BCAS3: variants seen among roughly 807,000 people sequenced by gnomAD.
BCAS3 encodes the protein BCAS3 microtubule associated cell migration factor.
In BCAS3, 53 loss-of-function variants were observed where a neutral mutation model predicts 116.1. The observed-to-expected ratio is 0.46, with a 90% CI of 0.37 to 0.57. BCAS3 has a LOEUF of 0.57. Among genes scored for constraint, BCAS3 ranks in the 20% least tolerant of loss-of-function variants. The pLI is 0.00. For synonymous variants in BCAS3, 391 were observed against 408.2 expected, an observed-to-expected ratio of 0.96 and a Z score of 0.51; for missense variants, 917 against 1,165.4, an observed-to-expected ratio of 0.79 and a Z score of 3.10.
At chr17:60,942,817 A>T (rs1443724634) in intron 13 of BCAS3, among the ~76,000 whole-genome samples, 1 of 152,172 alleles carries the variant, frequency 6.6e-6, no homozygotes, top group African/African-American at 2.4e-5. Flanking sequence ...ATTAGTTTAA[A>T]TGCTTATACT....
At chr17:61,341,994 G>T (rs956853714) in intron 22 of BCAS3, among the ~76,000 whole-genome samples, 22 of 152,186 alleles carry the variant, frequency 1.4e-4, no homozygotes, top group Non-Finnish European at 2.5e-4. Flanking sequence ...ATGAACTTCG[G>T]ACAGTGGTTT....
intron 7 of BCAS3, among the ~76,000 whole-genome samples, chr17:60,812,594 A>G (rs55820141): frequency 0.24 from 35,907 of 152,006 alleles, 7,815 homozygotes; most frequent in African/African-American, 0.58. Context: ...TGACAAATGA[A>G]GTTTTTTGGA....
At chr17:60,850,381 G>A (rs1213390244) in intron 7 of BCAS3, among the ~76,000 whole-genome samples, 2 of 83,666 alleles carry the variant, frequency 2.4e-5, no homozygotes, top group East Asian at 5.6e-4. Flanking sequence ...TTTTGAGATG[G>A]AGTTTTTGCT....
intron 14 of BCAS3, among the ~76,000 whole-genome samples, chr17:60,955,408 G>A (rs1244086281): frequency 8.6e-6 from 1 of 116,390 alleles, no homozygotes; most frequent in Non-Finnish European, 1.5e-5. Flanking sequence ...TTTTTTTTGA[G>A]ACAGAGTCTT....
Position 60,956,467 on chromosome 17 carries a change from A to G in BCAS3, c.1221+9115A>G, listed in dbSNP as rs965413886. Among the ~76,000 whole-genome samples the G allele has an allele frequency of 6.6e-6, 1 of 152,136 alleles. No homozygotes were observed. Among genetic ancestry groups the G allele is most frequent in the Non-Finnish European group, 1.5e-5 (1 of 68,028 alleles). The stretch of plus-strand genomic sequence containing the variant: ...TCTAGTCACTGAGATGCTCTACCTC[A>G]TCTCTGACCTTTTAGAATTTGGATA... On this transcript the variant is annotated intron_variant, in intron 14 of 23. Transcript: ENST00000407086. This position sits in a 1 kb window ranked among gnomAD's most constrained non-coding sequence, Gnocchi z 4.2.
chr17:61,230,585 TTAAGA>T (rs1348574628), intron 22 of BCAS3, among the ~76,000 whole-genome samples: 2 of 152,222 alleles, frequency 1.3e-5, no homozygotes, highest in Non-Finnish European at 2.9e-5. Context: ...ACTAATTTGC[TTAAGA>T]TAATGGCCTC....
At chr17:60,717,351 G>T (rs921102100) in intron 5 of BCAS3, among the ~76,000 whole-genome samples, 1 of 151,814 alleles carries the variant, frequency 6.6e-6, no homozygotes, top group Non-Finnish European at 1.5e-5. Flanking sequence ...TAGTAGCTGG[G>T]ACTACAGGGA....
At chr17:61,177,922 T>C (rs1301854104) in intron 22 of BCAS3, among the ~76,000 whole-genome samples, 1 of 152,184 alleles carries the variant, frequency 6.6e-6, no homozygotes, top group Non-Finnish European at 1.5e-5. Flanking sequence ...GATTTTGGAC[T>C]AAACATTGAA....
intron 14 of BCAS3, among the ~76,000 whole-genome samples, chr17:60,969,791 G>A (rs1600097972): frequency 6.6e-6 from 1 of 152,296 alleles, no homozygotes; most frequent in East Asian, 1.9e-4. Flanking sequence ...GCAGACAAAA[G>A]TAATGCATTG....
In BCAS3 at chr17:61,270,779, G is replaced by A. The variant is rs1241645690; in HGVS notation, c.2426-97548G>A. ...TGTTTTGAGATGAAGTTTTGCTCTTGTTGCCCAGGCTGGAGTGCAATGGTG... is the reference window on the plus strand; with the variant it reads ...TGTTTTGAGATGAAGTTTTGCTCTTATTGCCCAGGCTGGAGTGCAATGGTG... On this transcript the variant is annotated intron_variant, in intron 22 of 23. Coordinates refer to ENST00000407086, the MANE Select transcript of BCAS3 (RefSeq NM_017679.5). 2.6e-5 allele frequency among the ~76,000 whole-genome samples: 4 copies of A among 152,232 alleles called. No homozygotes were observed. In the East Asian group the frequency reaches 7.7e-4, roughly 29 times the overall value.
chr17:60,797,826 G>A (rs966665241), intron 6 of BCAS3, among the ~76,000 whole-genome samples: 9 of 152,072 alleles, frequency 5.9e-5, no homozygotes, highest in African/African-American at 2.2e-4. Context: ...GAAAAATTAA[G>A]CAGAAAATAG....
intron 22 of BCAS3, among the ~76,000 whole-genome samples, chr17:61,291,701 T>C (rs986636684): frequency 9.2e-5 from 14 of 152,218 alleles, no homozygotes; most frequent in African/African-American, 2.9e-4. Flanking sequence ...GTGTACACTT[T>C]CATGTGTTTA....
intron 14 of BCAS3, among the ~76,000 whole-genome samples, chr17:60,980,197 A>G (rs1260975735): frequency 6.6e-6 from 1 of 152,206 alleles, no homozygotes; most frequent in Admixed American, 6.5e-5. Flanking sequence ...CTATTCAGAG[A>G]TTAAACTTCT....
chr17:60,764,134 A>C (rs2043836937), intron 6 of BCAS3, among the ~76,000 whole-genome samples: 1 of 150,326 alleles, frequency 6.7e-6, no homozygotes, highest in Non-Finnish European at 1.5e-5. Flanking sequence ...TTATCTTTTC[A>C]AAAAACCAGA....
intron 22 of BCAS3, among the ~76,000 whole-genome samples, chr17:61,165,621 G>A (rs1398824193): frequency 6.6e-6 from 1 of 152,160 alleles, no homozygotes; most frequent in African/African-American, 2.4e-5. Context: ...GGGAGGCAGA[G>A]GTTGCAGTGA....
chr17:60,700,173 C>CAAAAAAAAAAAAAAAA (rs531616609), intron 4 of BCAS3, among the ~76,000 whole-genome samples: 1 of 121,598 alleles, frequency 8.2e-6, no homozygotes, highest in Admixed American at 7.9e-5. Flanking sequence ...GACCCTGTCT[C>CAAAAAAAAAAAAAAAA]AAAAAAAAAA....
At chr17:60,939,538 C>T (rs768543208) in intron 13 of BCAS3, among the ~76,000 whole-genome samples, 1 of 152,158 alleles carries the variant, frequency 6.6e-6, no homozygotes, top group African/African-American at 2.4e-5. Context: ...CAATGAATGA[C>T]ATACTGCTAC....
At chr17:60,986,007 G>A (rs572711918) in intron 14 of BCAS3, among the ~76,000 whole-genome samples, 6 of 152,330 alleles carry the variant, frequency 3.9e-5, no homozygotes, top group African/African-American at 4.8e-5. Context: ...AAACTGCTGG[G>A]ATTACAGGCC....
At chr17:61,071,414 C>T (rs2071415160) in intron 19 of BCAS3, among the ~76,000 whole-genome samples, 1 of 152,202 alleles carries the variant, frequency 6.6e-6, no homozygotes, top group African/African-American at 2.4e-5. Context: ...GGCAGTGAGT[C>T]TACTCCTGTA....
Sources: allele counts gnomAD v4.1 joint callset (sites outside exome capture counted in the v4.1 genomes callset), GRCh38; gene constraint gnomAD v4.1.1; non-coding constraint Gnocchi (gnomAD v3.1); transcripts MANE v1.5; gene names NCBI Gene and HGNC (gene_info 2026-07-23, HGNC 2026-07-21).